The following XIRP2 variants were observed in gnomAD, a reference collection of about 807,000 sequenced individuals.
XIRP2 encodes xin actin binding repeat containing 2, also known as xin actin-binding repeat-containing protein 2.
XIRP2 carries 236 observed loss-of-function variants against 277.0 expected under a neutral mutation model. That is an observed-to-expected ratio of 0.85 (90% CI 0.77 to 0.95). The LOEUF (loss-of-function observed/expected upper bound fraction) is 0.95, where lower values mean the gene tolerates loss of function less well. Among genes scored for constraint, XIRP2 ranks in the 40% least tolerant of loss-of-function variants. The pLI is 0.00. For synonymous variants in XIRP2, 1,490 were observed against 1,416.5 expected (o/e 1.05, Z -1.17); for missense variants, 4,640 against 4,157.5 (o/e 1.12, Z -3.19).
Position 166,914,715 on chromosome 2 carries a change from C to T in XIRP2, c.408+10825C>T, listed in dbSNP as rs1407841843. 7.9e-5 allele frequency among the ~76,000 whole-genome samples: 12 copies of T among 152,148 alleles called. No individual in the cohort carries two copies. The East Asian group carries it at 2.1e-3, about 27-fold the overall frequency. On this transcript the variant is annotated intron_variant, in intron 2 of 10. Transcript: ENST00000409195. ...AAGCAATAGGAAGCTAATACAGTTA[C>T]ATTATAGGTCTTTTAAACATTGTTT...
In XIRP2 at chr2:167,077,480, A is replaced by G. The variant is rs151130387; in HGVS notation, c.409-58429A>G. Among the ~76,000 whole-genome samples, 9 of 152,264 alleles carry G rather than the reference A, an allele frequency of 5.9e-5. 1 individual carries two copies. In the East Asian group the frequency reaches 1.5e-3, roughly 26 times the overall value. ...CCCTCCATTTCACAGCTGATTTTCA[A>G]GTGGGAGAATGAATGAATAGAATTT... On this transcript the variant is annotated intron_variant, in intron 2 of 10. Transcript: ENST00000409195.
intron 3 of XIRP2, among the ~76,000 whole-genome samples, chr2:167,152,465 A>T (rs949117750): frequency 9.2e-5 from 14 of 152,066 alleles, no homozygotes; most frequent in African/African-American, 3.4e-4. Context: ...ATTTCCTTAT[A>T]AAGTCCGCTG....
chr2:167,045,049 AAAAC>A (rs1317282392), intron 2 of XIRP2, among the ~76,000 whole-genome samples: 1 of 151,964 alleles, frequency 6.6e-6, no homozygotes, highest in Non-Finnish European at 1.5e-5. Context: ...AAAAAAGAAA[AAAAC>A]AGGTGGACCA....
chr2:167,226,383 T>A (rs1281692246), intron 5 of XIRP2, among the ~76,000 whole-genome samples: 1 of 152,158 alleles, frequency 6.6e-6, no homozygotes, highest in Non-Finnish European at 1.5e-5. Flanking sequence ...CCTATAGCTC[T>A]GTAGATTGTG....
At chr2:167,174,369 C>A (rs946767337) in intron 3 of XIRP2, among the ~76,000 whole-genome samples, 1 of 152,124 alleles carries the variant, frequency 6.6e-6, no homozygotes, top group African/African-American at 2.4e-5. Flanking sequence ...AGCAATTTAT[C>A]CATTTCATCT....
At chr2:166,909,707 G>C (rs1444590825) in intron 2 of XIRP2, among the ~76,000 whole-genome samples, 1 of 152,164 alleles carries the variant, frequency 6.6e-6, no homozygotes, top group Non-Finnish European at 1.5e-5. Context: ...TTTTCAAAGG[G>C]AATGCTTCCA....
chr2:167,253,362 C>A (rs977572382), intron 9 of XIRP2, among the ~76,000 whole-genome samples: 1 of 151,696 alleles, frequency 6.6e-6, no homozygotes, highest in East Asian at 2.0e-4. Flanking sequence ...TAAGCAGATG[C>A]GAGAATCCAA....
intron 2 of XIRP2, among the ~76,000 whole-genome samples, chr2:167,084,919 G>A (rs1293260780): frequency 6.6e-6 from 1 of 150,664 alleles, no homozygotes; most frequent in African/African-American, 2.4e-5. Flanking sequence ...TTTTTTGAAG[G>A]GTTTTTTTGT....
chr2:167,059,925 T>C (rs1689137192), intron 2 of XIRP2, among the ~76,000 whole-genome samples: 2 of 152,270 alleles, frequency 1.3e-5, no homozygotes, highest in South Asian at 4.1e-4. Flanking sequence ...TCCTGCTGCC[T>C]TATAAGCTCT....
intron 2 of XIRP2, among the ~76,000 whole-genome samples, chr2:167,067,035 T>C (rs897884311): frequency 2.0e-5 from 3 of 152,094 alleles, no homozygotes; most frequent in African/African-American, 7.2e-5. Flanking sequence ...ACTTTTATTT[T>C]GTCAGAGGTC....
intron 2 of XIRP2, among the ~76,000 whole-genome samples, chr2:166,953,831 T>G (rs1191169029): frequency 2.0e-5 from 3 of 151,934 alleles, no homozygotes; most frequent in Non-Finnish European, 4.4e-5. Flanking sequence ...CTTCTTTCCT[T>G]CCTTCCTCTG....
At chr2:167,219,726 C>T (rs537279466) in intron 5 of XIRP2, among the ~76,000 whole-genome samples, 4 of 152,300 alleles carry the variant, frequency 2.6e-5, no homozygotes, top group African/African-American at 7.2e-5. Context: ...ACTATGTAAA[C>T]AGTACTGCAC....
intron 3 of XIRP2, among the ~76,000 whole-genome samples, chr2:167,174,970 C>A (rs1692797492): frequency 6.6e-6 from 1 of 151,982 alleles, no homozygotes; most frequent in African/African-American, 2.4e-5. Context: ...GATTTCCATT[C>A]TTTTGTATTT....
intron 3 of XIRP2, among the ~76,000 whole-genome samples, chr2:167,181,490 G>T (rs1693006797): frequency 6.6e-6 from 1 of 151,764 alleles, no homozygotes; most frequent in Admixed American, 6.6e-5. Context: ...AATTCTTACT[G>T]TCTCTCTCTC....
chr2:167,019,223 C>G (rs1687917760), intron 2 of XIRP2, among the ~76,000 whole-genome samples: 1 of 151,954 alleles, frequency 6.6e-6, no homozygotes, highest in Admixed American at 6.6e-5. Flanking sequence ...TAGATGAACT[C>G]TCAAGGTCTC....
chr2:167,003,489 AG>A (rs1687425068), intron 2 of XIRP2, among the ~76,000 whole-genome samples: 1 of 151,562 alleles, frequency 6.6e-6, no homozygotes, highest in South Asian at 2.1e-4. Context: ...CTGTGTGTGG[AG>A]AGAGGTGGTG....
chr2:167,184,860 G>A (rs144996951), intron 3 of XIRP2, among the ~76,000 whole-genome samples: 253 of 152,196 alleles, frequency 1.7e-3, no homozygotes, highest in African/African-American at 5.6e-3. Context: ...AGGTATCTAG[G>A]CACTATCTAT....
intron 2 of XIRP2, among the ~76,000 whole-genome samples, chr2:166,909,412 C>T (rs1008334671): frequency 2.0e-5 from 3 of 152,098 alleles, no homozygotes; most frequent in African/African-American, 4.8e-5. Context: ...ATTTGGCTCT[C>T]TGTTTGTCTG....
At position 167,247,979 on chromosome 2, in the gene XIRP2, A is replaced by G; in HGVS notation, c.6587A>G (p.Asn2196Ser). The G allele has an allele frequency of 2.5e-6, 4 of 1,611,656 alleles. No homozygotes were observed. Among genetic ancestry groups the G allele is most frequent in the Non-Finnish European group, 3.4e-6 (4 of 1,179,264 alleles). ...TTAAAGCAAGAAACAAAATATTCTA[A>G]TAAGGATATAAAGAAAAAGAATATA... ...TLLKQETKYS[N>S]KDIKKKNINL... Residue 2196 changes from asparagine to serine, a missense_variant, in exon 9 of 11, where the codon AAT becomes AGT. Transcript: ENST00000409195.
Sources: allele counts gnomAD v4.1 joint callset (sites outside exome capture counted in the v4.1 genomes callset), GRCh38; gene constraint gnomAD v4.1.1; transcripts MANE v1.5; gene names NCBI Gene and HGNC (gene_info 2026-07-23, HGNC 2026-07-21).